Variants in CLUAP1 observed in about 807,000 individuals in gnomAD.
CLUAP1 encodes intraflagellar transport 38.
Under a neutral mutation model 55.0 loss-of-function variants are expected in CLUAP1, and 50 were observed. The ratio of observed to expected loss-of-function variants is 0.91; its 90% confidence interval spans 0.72 to 1.15. The LOEUF (loss-of-function observed/expected upper bound fraction) is 1.15. Ranked by LOEUF, CLUAP1 falls within the 50% of genes most tolerant of loss-of-function variation. The pLI is 0.00. For synonymous variants in CLUAP1, 195 were observed against 175.4 expected, an observed-to-expected ratio of 1.11 and a Z score of -0.88; for missense variants, 530 against 507.6, an observed-to-expected ratio of 1.04 and a Z score of -0.42.
At chr16:3,535,942 C>T (rs1485574904) in intron 11 of CLUAP1, 180 bp from the exon 12 acceptor site, 6 of 643,832 alleles carry the variant, frequency 9.3e-6, no homozygotes, top group Non-Finnish European at 1.6e-5. Flanking sequence ...ATGATAAATT[C>T]CAGCTGGCAG....
Position 3,508,424 on chromosome 16 carries a change from G to A in CLUAP1, c.355G>A (p.Val119Ile), listed in dbSNP as rs1222764059. The A allele has an allele frequency of 3.8e-6, 6 of 1,588,426 alleles. No individual in the cohort carries two copies. The highest frequency in any genetic ancestry group is 4.6e-5 in the East Asian group (2 of 43,660). Residue 119 changes from valine to isoleucine, a missense_variant, in exon 4 of 12, where the codon GTA becomes ATA. Coordinates refer to ENST00000576634, the MANE Select transcript of CLUAP1 (RefSeq NM_015041.3). ...KTKGMEGSEI[V>I]EEDVNKFKFD... ...CAAGGGGATGGAGGGCTCTGAAATA[G>A]TAGAGGAAGATGTCAACAAGTTCAA...
intron 7 of CLUAP1, among the ~76,000 whole-genome samples, chr16:3,522,478 A>T (rs113590837): frequency 8.5e-5 from 13 of 152,254 alleles, no homozygotes; most frequent in African/African-American, 2.9e-4. Context: ...GTAGAACATT[A>T]TACCCAAATA....
intron 1 of CLUAP1, among the ~76,000 whole-genome samples, chr16:3,502,460 A>G (rs999752314): frequency 5.3e-5 from 8 of 150,428 alleles, no homozygotes; most frequent in Non-Finnish European, 1.0e-4. Flanking sequence ...AAAAAAAAAA[A>G]GGAAAGGTAG....
chr16:3,512,750 G>A (rs544807338), intron 5 of CLUAP1, among the ~76,000 whole-genome samples: 5 of 152,178 alleles, frequency 3.3e-5, no homozygotes, highest in Admixed American at 2.6e-4. Context: ...GCGCAATCTC[G>A]TCTCACTGCA....
At chr16:3,512,317 C>G in intron 4 of CLUAP1, 66 bp from the exon 5 acceptor site, 1 of 1,262,566 alleles carries the variant, frequency 7.9e-7, no homozygotes, top group Non-Finnish European at 1.2e-6. Context: ...GTAACATAGC[C>G]AAGACCCTGT....
Position 3,529,742 on chromosome 16 carries a change from T to C in CLUAP1, c.929-826T>C, listed in dbSNP as rs1472467757. ...ATTATATATTATATATATTATTATATATTATATATTATATAATATATATTA... is the reference window on the plus strand; with the variant it reads ...ATTATATATTATATATATTATTATACATTATATATTATATAATATATATTA... On this transcript the variant is annotated intron_variant, in intron 9 of 11. Coordinates refer to ENST00000576634, the MANE Select transcript of CLUAP1 (RefSeq NM_015041.3). Among the ~76,000 whole-genome samples the C allele has an allele frequency of 9.1e-5, 2 of 21,894 alleles. 1 individual carries two copies. The highest frequency in any genetic ancestry group is 4.6e-4 in the African/African-American group (2 of 4,340). The allele number at this position is 21,894 out of a possible 152,430, so 14.4% of individuals were successfully genotyped here.
the CLUAP1 span, chr16:3,495,448 A>G: frequency 6.2e-7 from 1 of 1,606,578 alleles, no homozygotes; most frequent in Non-Finnish European, 8.5e-7. Context: ...GGGGAGGAGC[A>G]ACCAGGACTT....
Position 3,533,054 on chromosome 16 carries a change from C to CT in CLUAP1, c.1092+220dup, listed in dbSNP as rs1439695033. On this transcript the variant is annotated intron_variant, in intron 11 of 11. Coordinates refer to ENST00000576634, the MANE Select transcript of CLUAP1 (RefSeq NM_015041.3). ...TTTTCAAGTGAATGTGCTTGCTCTG[C>CT]TTTTTTTGCCTTCTCACTGTTCTTT... 1.4e-5 allele frequency: 21 copies of CT among 1,513,510 alleles called. No homozygotes were observed. In the Admixed American group the frequency reaches 1.6e-4, roughly 11 times the overall value. 93.8% of individuals were successfully genotyped at this position (1,513,510 alleles called of 1,614,324 possible).
chr16:3,522,457 C>G (rs1043466282), intron 7 of CLUAP1, among the ~76,000 whole-genome samples: 1 of 152,230 alleles, frequency 6.6e-6, no homozygotes, highest in African/African-American at 2.4e-5. Context: ...CGCCACCGCA[C>G]CCGGCCAACA....
chr16:3,506,543 C>G (rs1432064766), intron 3 of CLUAP1, 128 bp downstream of exon 3: 5 of 743,488 alleles, frequency 6.7e-6, no homozygotes, highest in East Asian at 2.8e-5. Context: ...GAGTCTCATT[C>G]TCTCGCCCAG....
At position 3,529,841 on chromosome 16, in the gene CLUAP1, TATATA is replaced by T. The variant is rs2038077113; in HGVS notation, c.929-721_929-717del. Among the ~76,000 whole-genome samples the T allele has an allele frequency of 2.1e-4, 11 of 51,608 alleles. 2 individuals carry two copies. Among genetic ancestry groups the T allele is most frequent in the African/African-American group, 1.0e-3 (11 of 10,964 alleles). The allele number at this position is 51,608 out of a possible 152,430, so 33.9% of individuals were successfully genotyped here. A position where few individuals can be genotyped will look rare whatever the true frequency, so the allele number is the denominator to read the frequency against. On this transcript the variant is annotated intron_variant, in intron 9 of 11. Coordinates refer to ENST00000576634, the MANE Select transcript of CLUAP1 (RefSeq NM_015041.3). ...TAATATAATATATTATATAATATAT[TATATA>T]ATATATATTTTATAATATAATTTAT...
rs183330698 is a variant in CLUAP1, at chr16:3,528,685, C to G, written c.929-1883C>G. 2.0e-3 allele frequency among the ~76,000 whole-genome samples: 303 copies of G among 152,238 alleles called. 4 individuals carry two copies. The highest frequency in any genetic ancestry group is 6.5e-3 in the African/African-American group (272 of 41,536). On this transcript the variant is annotated intron_variant, in intron 9 of 11. Transcript: ENST00000576634. ...ATCTTGCTTTATTCACCAAGATTTA[C>G]CTTTGTGTTTTCTTCTAGGAGTTCT...
intron 7 of CLUAP1, among the ~76,000 whole-genome samples, chr16:3,521,945 G>A (rs1173285419): frequency 1.3e-5 from 2 of 151,982 alleles, no homozygotes; most frequent in African/African-American, 4.8e-5. Context: ...TGTAGTCCCA[G>A]CTACTTGGGG....
At chr16:3,501,686 G>A (rs1286646014) in intron 1 of CLUAP1, among the ~76,000 whole-genome samples, 1 of 152,136 alleles carries the variant, frequency 6.6e-6, no homozygotes, top group Non-Finnish European at 1.5e-5. Context: ...GGAGTCTGAA[G>A]CAGGAGAATC....
At chr16:3,534,070 G>C (rs1481664854) in intron 11 of CLUAP1, 1 of 152,280 alleles carries the variant, frequency 6.6e-6, no homozygotes, top group Non-Finnish European at 1.5e-5. Flanking sequence ...ACACGTGTCT[G>C]TTGAGTGCCT....
chr16:3,533,105 G>C (rs1472145826), intron 11 of CLUAP1: 1 of 1,535,996 alleles, frequency 6.5e-7, no homozygotes, highest in African/African-American at 1.4e-5. Context: ...AAAGATGGAA[G>C]CAGCACCAGC....
intron 6 of CLUAP1, among the ~76,000 whole-genome samples, chr16:3,518,269 G>C (rs2037767588): frequency 6.6e-6 from 1 of 152,160 alleles, no homozygotes; most frequent in Non-Finnish European, 1.5e-5. Flanking sequence ...AACTGAATCA[G>C]GTGAACACGG....
chr16:3,533,014 T>C, intron 11 of CLUAP1, 173 bp downstream of exon 11: 4 of 1,387,808 alleles, frequency 2.9e-6, no homozygotes, highest in Non-Finnish European at 4.0e-6. Context: ...TCGTTGCTCG[T>C]GGATGGCTCA....
chr16:3,504,765 C>T lies in CLUAP1; in HGVS notation c.68C>T (p.Ser23Phe). The part of the protein sequence containing the change: ...MRALGYPRHI[S>F]MENFRTPNFG... ...GCCCTGGGATACCCTCGACATATTTCTATGGAAAATTTCCGTACACCCAAT... is the reference window on the plus strand; with the variant it reads ...GCCCTGGGATACCCTCGACATATTTTTATGGAAAATTTCCGTACACCCAAT... Residue 23 changes from serine (S) to phenylalanine (F), a missense_variant, in exon 2 of 12, where the codon TCT (serine) becomes TTT (phenylalanine). Transcript: ENST00000576634. 1 of 1,613,540 alleles carries T rather than the reference C, an allele frequency of 6.2e-7. No individual in the cohort carries two copies.
Sources: allele counts gnomAD v4.1 joint callset (sites outside exome capture counted in the v4.1 genomes callset), GRCh38; gene constraint gnomAD v4.1.1; transcripts MANE v1.5; gene names NCBI Gene and HGNC (gene_info 2026-07-23, HGNC 2026-07-21).